UGT1A10: variants seen among roughly 807,000 people sequenced by gnomAD.
The protein encoded by UGT1A10 is UDP-glucuronosyltransferase 1A10.
A neutral mutation model predicts 45.8 loss-of-function variants in UGT1A10; 49 were observed. The ratio of observed to expected loss-of-function variants is 1.07; its 90% CI spans 0.85 to 1.36. The LOEUF (loss-of-function observed/expected upper bound fraction) is 1.36, where lower values mean the gene tolerates loss of function less well. Among genes scored for constraint, UGT1A10 ranks in the 40% most tolerant of loss-of-function variants. The pLI, the probability that UGT1A10 is intolerant of heterozygous loss-of-function variation, is 0.00. For missense variants in UGT1A10, 745 were observed against 668.6 expected (o/e 1.11, Z -1.26); for synonymous variants, 284 against 249.7 (o/e 1.14, Z -1.29).
intron 1 of UGT1A10, chr2:233,743,214 G>T (rs1433363859): frequency 4.9e-6 from 2 of 406,726 alleles, no homozygotes; most frequent in Non-Finnish European, 9.7e-6. Context: ...CGGAGTAACT[G>T]CTCTTTGCTA....
intron 1 of UGT1A10, chr2:233,672,182 T>C: frequency 1.2e-6 from 2 of 1,614,184 alleles, no homozygotes; most frequent in East Asian, 4.5e-5. Flanking sequence ...TCATATACCC[T>C]GGAGGATCTG....
chr2:233,680,713 T>C (rs977639275), intron 1 of UGT1A10, among the ~76,000 whole-genome samples: 7 of 152,232 alleles, frequency 4.6e-5, no homozygotes, highest in Admixed American at 2.0e-4. Context: ...TGTAATCTCA[T>C]CCTCAAGGGG....
intron 1 of UGT1A10, chr2:233,743,045 T>C (rs397706649): frequency 6.3e-6 from 2 of 318,190 alleles, no homozygotes; most frequent in Non-Finnish European, 6.1e-6. Context: ...CCTATCCGTG[T>C]AGTCCCAACG....
At chr2:233,666,599 G>T (rs572699888) in intron 1 of UGT1A10, among the ~76,000 whole-genome samples, 1 of 150,990 alleles carries the variant, frequency 6.6e-6, no homozygotes, top group East Asian at 1.9e-4. Flanking sequence ...GTCTGTAGAT[G>T]TTTTTTTTAA....
chr2:233,754,969 T>A, intron 1 of UGT1A10: 6 of 1,302,646 alleles, frequency 4.6e-6, no homozygotes, highest in Non-Finnish European at 6.2e-6. Context: ...AAGAACTCCC[T>A]GAAGACCTCG....
At chr2:233,690,390 C>T in intron 1 of UGT1A10, 3 of 1,083,924 alleles carry the variant, frequency 2.8e-6, no homozygotes, top group Non-Finnish European at 3.7e-6. Flanking sequence ...CGTTTCCAGA[C>T]CTTCCTATTC....
chr2:233,665,881 G>C (rs961554387), intron 1 of UGT1A10, among the ~76,000 whole-genome samples: 1 of 152,188 alleles, frequency 6.6e-6, no homozygotes, highest in Non-Finnish European at 1.5e-5. Context: ...CAAGCGGCCA[G>C]ACCAAGGTGC....
chr2:233,692,608 C>T (rs1023315562), intron 1 of UGT1A10, among the ~76,000 whole-genome samples: 10 of 152,156 alleles, frequency 6.6e-5, no homozygotes, highest in Non-Finnish European at 1.3e-4. Flanking sequence ...GAAAAATTCC[C>T]GCACATCATG....
intron 1 of UGT1A10, chr2:233,713,109 C>G: frequency 2.5e-6 from 4 of 1,614,208 alleles, no homozygotes; most frequent in Non-Finnish European, 3.4e-6. Flanking sequence ...TGATGGCAGC[C>G]ACTGGCTCAG....
intron 1 of UGT1A10, chr2:233,713,996 A>G: frequency 6.4e-7 from 1 of 1,559,392 alleles, no homozygotes; most frequent in Non-Finnish European, 8.7e-7. Context: ...AATAGTCTTC[A>G]GTGAGATAAA....
chr2:233,637,648 C>A (rs1376465005), intron 1 of UGT1A10, among the ~76,000 whole-genome samples: 1 of 152,124 alleles, frequency 6.6e-6, no homozygotes, highest in East Asian at 1.9e-4. Context: ...CCAAAAACCA[C>A]AGCAAGAAAT....
In UGT1A10 at chr2:233,646,968, C is replaced by A. The variant is rs1278134081; in HGVS notation, c.855+9591C>A. Among the ~76,000 whole-genome samples the A allele has an allele frequency of 5.3e-5, 8 of 152,278 alleles. No individual in the cohort carries two copies. In the South Asian group the frequency reaches 8.3e-4, roughly 16 times the overall value. ...CTGAGACTAAGGAATTTACAAAAGACAGAGGTTTAATTGACTTAGAGTTCC... is the reference window on the plus strand; with the variant it reads ...CTGAGACTAAGGAATTTACAAAAGAAAGAGGTTTAATTGACTTAGAGTTCC... On this transcript the variant is annotated intron_variant, in intron 1 of 4. Coordinates refer to ENST00000344644, the MANE Select transcript of UGT1A10 (RefSeq NM_019075.4).
At chr2:233,723,411 T>C in intron 1 of UGT1A10, among the ~76,000 whole-genome samples, 1 of 134,312 alleles carries the variant, frequency 7.4e-6, no homozygotes, top group African/African-American at 3.0e-5. Context: ...GGTTTCACCA[T>C]ACTGGTCAGG....
chr2:233,751,264 C>CT (rs1248433988), intron 1 of UGT1A10, among the ~76,000 whole-genome samples: 2 of 151,872 alleles, frequency 1.3e-5, no homozygotes, highest in Admixed American at 1.3e-4. Context: ...CTGTAGCCCC[C>CT]TTTTTTTGGC....
At chr2:233,686,688 G>T (rs2074799720) in intron 1 of UGT1A10, among the ~76,000 whole-genome samples, 1 of 152,022 alleles carries the variant, frequency 6.6e-6, no homozygotes, top group Non-Finnish European at 1.5e-5. Flanking sequence ...TATTCTGGTG[G>T]TGCCCTCTGG....
intron 1 of UGT1A10, among the ~76,000 whole-genome samples, chr2:233,643,500 C>G (rs1037471196): frequency 1.3e-5 from 2 of 152,106 alleles, no homozygotes; most frequent in African/African-American, 2.4e-5. Flanking sequence ...CGAGTCAAGT[C>G]CTGGAATCAG....
chr2:233,753,792 G>A (rs1695310266), intron 1 of UGT1A10: 1 of 152,134 alleles, frequency 6.6e-6, no homozygotes, highest in African/African-American at 2.4e-5. Context: ...ACATTTCCAG[G>A]ACCTACCATA....
chr2:233,678,215 T>C (rs2074412106), intron 1 of UGT1A10, among the ~76,000 whole-genome samples: 1 of 152,158 alleles, frequency 6.6e-6, no homozygotes, highest in African/African-American at 2.4e-5. Context: ...GGTACTATGC[T>C]CAGTACTTGG....
chr2:233,721,859 C>T (rs1575539894), intron 1 of UGT1A10: 4 of 508,764 alleles, frequency 7.9e-6, no homozygotes, highest in Non-Finnish European at 1.6e-5. Flanking sequence ...CACTGCTCGG[C>T]CCTGGGCACA....
Sources: allele counts gnomAD v4.1 joint callset (sites outside exome capture counted in the v4.1 genomes callset), GRCh38; gene constraint gnomAD v4.1.1; transcripts MANE v1.5; gene names NCBI Gene and HGNC (gene_info 2026-07-23, HGNC 2026-07-21).